TEAD1: variants seen among roughly 807,000 people sequenced by gnomAD.
The protein encoded by TEAD1 is transcriptional enhancer factor TEF-1.
A neutral mutation model predicts 54.9 loss-of-function variants in TEAD1; 9 were observed. The ratio of observed to expected loss-of-function variants is 0.16; its 90% CI spans 0.10 to 0.29. The LOEUF (loss-of-function observed/expected upper bound fraction) is 0.29. TEAD1 is among the 10% of genes least tolerant of loss of function. The pLI, the probability that TEAD1 is intolerant of heterozygous loss-of-function variation, is 1.00. For synonymous variants in TEAD1, 200 were observed against 187.8 expected, an observed-to-expected ratio of 1.07 and a Z score of -0.53; for missense variants, 387 against 535.9, an observed-to-expected ratio of 0.72 and a Z score of 2.74.
chr11:12,808,444 C>G (rs1050124627), intron 3 of TEAD1, among the ~76,000 whole-genome samples: 1 of 152,142 alleles, frequency 6.6e-6, no homozygotes, highest in Non-Finnish European at 1.5e-5. Flanking sequence ...GTGAAGGCAC[C>G]TCTCTGTGCC....
chr11:12,914,765 C>T (rs112717523), intron 10 of TEAD1, among the ~76,000 whole-genome samples: 4 of 152,256 alleles, frequency 2.6e-5, no homozygotes, highest in Admixed American at 2.0e-4. Flanking sequence ...CAGTGCAGAG[C>T]GATTGTCCTT....
intron 5 of TEAD1, among the ~76,000 whole-genome samples, chr11:12,873,838 A>G (rs1157279616): frequency 6.6e-6 from 1 of 152,248 alleles, no homozygotes; most frequent in East Asian, 1.9e-4. Flanking sequence ...AAGATTAGAA[A>G]GAACATCTGC....
Position 12,801,237 on chromosome 11 carries a change from C to T in TEAD1, c.202+36803C>T, listed in dbSNP as rs114623039. Among the ~76,000 whole-genome samples the T allele has an allele frequency of 7.3e-3, 1,113 of 152,232 alleles. 14 individuals are homozygous for T. Among genetic ancestry groups the T allele is most frequent in the African/African-American group, 0.025 (1,041 of 41,528 alleles). ...TTAGCCCCAATTCTGCAATTTTCACCGCAATAAAAGCTTCTCCAGTTATAC... is the reference window on the plus strand; with the variant it reads ...TTAGCCCCAATTCTGCAATTTTCACTGCAATAAAAGCTTCTCCAGTTATAC... On this transcript the variant is annotated intron_variant, in intron 3 of 12. Transcript: ENST00000527636.
Position 12,842,871 on chromosome 11 carries a change from T to C in TEAD1, c.203-19379T>C, listed in dbSNP as rs1590204059. On this transcript the variant is annotated intron_variant, in intron 3 of 12. Coordinates refer to ENST00000527636, the MANE Select transcript of TEAD1 (RefSeq NM_021961.6). ...AAGCATCAAAGCCTTTTCTAACTTT[T>C]AAAATTCTAAACTTAAAAAATCTAA... 3.3e-5 allele frequency among the ~76,000 whole-genome samples: 5 copies of C among 152,218 alleles called. No homozygotes were observed. In the South Asian group the frequency reaches 1.0e-3, roughly 32 times the overall value.
chr11:12,941,730 T>C lies in TEAD1; in HGVS notation c.*4508T>C, dbSNP rs1353797821. The C allele has an allele frequency of 6.6e-6, 1 of 152,618 alleles. No homozygotes were observed. Among genetic ancestry groups the C allele is most frequent in the Non-Finnish European group, 1.5e-5 (1 of 68,028 alleles). 9.5% of individuals were successfully genotyped at this position (152,618 alleles called of 1,614,324 possible). A position where few individuals can be genotyped will look rare whatever the true frequency, so the allele number is the denominator to read the frequency against. On this transcript the variant is annotated 3_prime_UTR_variant, in exon 13 of 13. Coordinates refer to ENST00000527636, the MANE Select transcript of TEAD1 (RefSeq NM_021961.6). ...CATGGCATTTCTGAAAAGCCTTAAA[T>C]CTTTAAGATGTTGCATGTAGGGTAT...
At chr11:12,922,916 C>T (rs1948836176) in intron 10 of TEAD1, 1 of 115,508 alleles carries the variant, frequency 8.7e-6, no homozygotes, top group East Asian at 2.3e-4. Flanking sequence ...AGGGCCAGAC[C>T]CTGTCTCAAA....
In TEAD1 at chr11:12,938,771, T is replaced by A. The variant is rs1047158037; in HGVS notation, c.*1549T>A. ...GGCCAGATGTTTTGAGTTATTTCCC[T>A]TAAGTGTTTCACTGGGGAGAGAACA... On this transcript the variant is annotated 3_prime_UTR_variant, in exon 13 of 13. Transcript: ENST00000527636. The A allele has an allele frequency of 6.6e-6, 1 of 152,282 alleles. No individual in the cohort carries two copies. Among genetic ancestry groups the A allele is most frequent in the Non-Finnish European group, 1.5e-5 (1 of 68,054 alleles). The allele number at this position is 152,282 out of a possible 1,614,324, so 9.4% of individuals were successfully genotyped here.
At chr11:12,745,156 C>T (rs1049916750) in intron 2 of TEAD1, among the ~76,000 whole-genome samples, 38 of 152,130 alleles carry the variant, frequency 2.5e-4, no homozygotes, top group African/African-American at 8.2e-4. Context: ...TGACCAGGCA[C>T]GCTGAACAAG....
At chr11:12,894,014 T>A (rs1441764317) in intron 9 of TEAD1, among the ~76,000 whole-genome samples, 2 of 151,934 alleles carry the variant, frequency 1.3e-5, no homozygotes, top group African/African-American at 4.8e-5. Context: ...CCCTGGGGGG[T>A]AGGTGGACAG....
chr11:12,862,212 TG>T, intron 3 of TEAD1, 37 bp from the exon 4 acceptor site: 1 of 1,577,898 alleles, frequency 6.3e-7, no homozygotes, highest in Admixed American at 1.7e-5. Context: ...TTTGGTGTTT[TG>T]GTAACCCACC....
intron 5 of TEAD1, chr11:12,865,109 G>T: frequency 1.6e-6 from 1 of 632,558 alleles, no homozygotes; most frequent in Non-Finnish European, 2.9e-6. Flanking sequence ...GTGTGTTTGC[G>T]TGTGTGTGTG....
intron 10 of TEAD1, among the ~76,000 whole-genome samples, chr11:12,906,897 C>T (rs1589978396): frequency 6.6e-6 from 1 of 152,138 alleles, no homozygotes; most frequent in East Asian, 1.9e-4. Context: ...TTTGTTCATT[C>T]ACTGGTTGAT....
At chr11:12,714,830 C>G (rs558983749) in intron 2 of TEAD1, among the ~76,000 whole-genome samples, 131 of 152,256 alleles carry the variant, frequency 8.6e-4, no homozygotes, top group South Asian at 1.9e-3. Flanking sequence ...GTGTGTGTCC[C>G]TAGTGTCTCT....
intron 2 of TEAD1, among the ~76,000 whole-genome samples, chr11:12,763,808 G>A (rs1945149034): frequency 2.0e-5 from 3 of 152,176 alleles, no homozygotes; most frequent in Admixed American, 1.3e-4. Flanking sequence ...ATGAATCACT[G>A]CAAACTTGCA....
chr11:12,885,336 C>G (rs910304989), intron 9 of TEAD1, among the ~76,000 whole-genome samples: 2 of 150,882 alleles, frequency 1.3e-5, no homozygotes, highest in African/African-American at 4.9e-5. Context: ...CCCGGGTTCA[C>G]GCCATTCTCC....
chr11:12,768,121 G>T (rs546766664), intron 3 of TEAD1, among the ~76,000 whole-genome samples: 4 of 152,274 alleles, frequency 2.6e-5, no homozygotes, highest in African/African-American at 9.6e-5. Flanking sequence ...ACCTTCACTG[G>T]TTGCTTGCTG....
intron 10 of TEAD1, among the ~76,000 whole-genome samples, chr11:12,918,245 T>C (rs1021946539): frequency 6.6e-6 from 1 of 151,766 alleles, no homozygotes; most frequent in Admixed American, 6.6e-5. Context: ...TACCTTCACT[T>C]CATGGGAGTT....
At position 12,944,506 on chromosome 11, in the gene TEAD1, G is replaced by A. The variant is rs2134184440; in HGVS notation, c.*7284G>A. 6.6e-6 allele frequency: 1 copy of A among 152,040 alleles called. No individual in the cohort carries two copies. The highest frequency in any genetic ancestry group is 1.9e-4 in the East Asian group (1 of 5,170). The allele number at this position is 152,040 out of a possible 1,614,324, so 9.4% of individuals were successfully genotyped here. A position where few individuals can be genotyped will look rare whatever the true frequency, so the allele number is the denominator to read the frequency against. ...TGTAAAAAAAAAAAAATGTATTCTAGCTTTTGCGGTACATATGTGTGATAA... is the reference window on the plus strand; with the variant it reads ...TGTAAAAAAAAAAAAATGTATTCTAACTTTTGCGGTACATATGTGTGATAA... On this transcript the variant is annotated 3_prime_UTR_variant, in exon 13 of 13. Transcript: ENST00000527636.
chr11:12,823,811 C>T (rs1323439014), intron 3 of TEAD1: 1 of 151,910 alleles, frequency 6.6e-6, no homozygotes, highest in Non-Finnish European at 1.5e-5. Context: ...CTATTATGTC[C>T]CAGGCACAGA....
Sources: allele counts gnomAD v4.1 joint callset (sites outside exome capture counted in the v4.1 genomes callset), GRCh38; gene constraint gnomAD v4.1.1; transcripts MANE v1.5; gene names NCBI Gene and HGNC (gene_info 2026-07-23, HGNC 2026-07-21).